The following TBC1D22A variants were observed in gnomAD, a reference collection of about 807,000 sequenced individuals.
TBC1D22A encodes the protein TBC1 domain family member 22A, also known as putative GTPase activator.
A neutral mutation model predicts 60.2 loss-of-function variants in TBC1D22A; 38 were observed. The observed-to-expected ratio is 0.63, with a 90% CI of 0.49 to 0.83. The LOEUF is 0.83. Ranked by LOEUF, TBC1D22A falls within the 40% of genes least tolerant of loss-of-function variation. The pLI, the probability that TBC1D22A is intolerant of heterozygous loss-of-function variation, is 0.00. For missense variants in TBC1D22A, 628 were observed against 701.0 expected (o/e 0.90, Z 1.18); for synonymous variants, 302 against 281.7 (o/e 1.07, Z -0.72).
At chr22:46,985,062 C>T (rs945387497) in intron 9 of TBC1D22A, among the ~76,000 whole-genome samples, 2 of 152,168 alleles carry the variant, frequency 1.3e-5, no homozygotes, top group South Asian at 2.1e-4. Context: ...GCCATGAGCT[C>T]AGGCAGCTGG....
At position 46,792,638 on chromosome 22, in the gene TBC1D22A, C is replaced by T. The variant is rs2084463866; in HGVS notation, c.119+62C>T. 2.5e-6 allele frequency: 4 copies of T among 1,613,314 alleles called. No homozygotes were observed. In the African/African-American group the frequency reaches 4.0e-5, roughly 16 times the overall value. On this transcript the variant is annotated intron_variant, in intron 2 of 12. Transcript: ENST00000337137. ...CTGATATGGGAGGGCTGTGGCAACCCCGGTCTTCCTGCTTCCTTCCTGCTC... is the reference window on the plus strand; with the variant it reads ...CTGATATGGGAGGGCTGTGGCAACCTCGGTCTTCCTGCTTCCTTCCTGCTC...
intron 9 of TBC1D22A, among the ~76,000 whole-genome samples, chr22:46,978,420 AC>A (rs1218017226): frequency 1.3e-5 from 2 of 152,256 alleles, no homozygotes; most frequent in Non-Finnish European, 2.9e-5. Flanking sequence ...ATTTTTCGAA[AC>A]AAAAATGTTT....
At chr22:46,845,059 CTT>C (rs2086930369) in intron 4 of TBC1D22A, among the ~76,000 whole-genome samples, 2 of 152,184 alleles carry the variant, frequency 1.3e-5, no homozygotes, top group African/African-American at 2.4e-5. Context: ...TGACTGTAGT[CTT>C]TGATTCCTGC....
At chr22:47,045,314 G>A (rs543728322) in intron 11 of TBC1D22A, among the ~76,000 whole-genome samples, 6 of 152,098 alleles carry the variant, frequency 3.9e-5, no homozygotes, top group Non-Finnish European at 8.8e-5. Context: ...GCGCTCCTCC[G>A]CGGTTTGGAA....
At chr22:47,164,308 C>T (rs919852896) in intron 12 of TBC1D22A, among the ~76,000 whole-genome samples, 2 of 152,244 alleles carry the variant, frequency 1.3e-5, no homozygotes, top group African/African-American at 4.8e-5. Context: ...TTTGACAAGC[C>T]CAGTGTACTC....
chr22:47,141,357 C>T lies in TBC1D22A; in HGVS notation c.1425+29754C>T, dbSNP rs191194222. Among the ~76,000 whole-genome samples the T allele has an allele frequency of 4.5e-4, 68 of 152,342 alleles. 2 individuals carry two copies. The South Asian group carries it at 0.013, about 28-fold the overall frequency. On this transcript the variant is annotated intron_variant, in intron 12 of 12. Transcript: ENST00000337137. ...TTGATCAGGTCACTCTGTCCTTCCT[C>T]GCCCAGTCCCAGAAGCAGACAGGTT...
chr22:46,987,636 A>G (rs1280438440), intron 9 of TBC1D22A, among the ~76,000 whole-genome samples: 2 of 152,218 alleles, frequency 1.3e-5, no homozygotes, highest in Admixed American at 6.5e-5. Context: ...TACATACCGG[A>G]ATTCAAAACT....
intron 10 of TBC1D22A, among the ~76,000 whole-genome samples, chr22:47,032,996 C>G (rs2062532046): frequency 6.6e-6 from 1 of 152,256 alleles, no homozygotes; most frequent in African/African-American, 2.4e-5. Flanking sequence ...CGCTGTCGTC[C>G]TGGCTGCTCT....
chr22:46,897,194 A>G (rs2068722722), intron 7 of TBC1D22A, among the ~76,000 whole-genome samples: 1 of 152,138 alleles, frequency 6.6e-6, no homozygotes, highest in African/African-American at 2.4e-5. Context: ...ATTTATTGAA[A>G]ATGAAAGCAC....
intron 12 of TBC1D22A, among the ~76,000 whole-genome samples, chr22:47,157,890 C>G (rs990953301): frequency 1.3e-5 from 2 of 152,150 alleles, no homozygotes; most frequent in African/African-American, 2.4e-5. Flanking sequence ...GCCAGTTACC[C>G]CTGCCATGCT....
At chr22:47,158,811 C>A (rs73889446) in intron 12 of TBC1D22A, among the ~76,000 whole-genome samples, 1 of 152,104 alleles carries the variant, frequency 6.6e-6, no homozygotes, top group African/African-American at 2.4e-5. Flanking sequence ...CACAGGGTCC[C>A]GCAGCCACCA....
intron 4 of TBC1D22A, among the ~76,000 whole-genome samples, chr22:46,800,113 A>G (rs551485680): frequency 6.6e-6 from 1 of 152,278 alleles, no homozygotes; most frequent in South Asian, 2.1e-4. Context: ...GTGCCCTGTA[A>G]CATGCCATCC....
At position 47,173,486 on chromosome 22, in the gene TBC1D22A, CTT is replaced by C; in HGVS notation, c.1426-10_1426-9del. The C allele has an allele frequency of 1.2e-6, 2 of 1,613,770 alleles. No individual in the cohort carries two copies. The highest frequency in any genetic ancestry group is 1.1e-5 in the South Asian group (1 of 91,074). On this transcript the variant is annotated splice_polypyrimidine_tract_variant and intron_variant, in intron 12 of 12. Transcript: ENST00000337137. ...CACCTCCTCTGACCTGGGCTTGTCT[CTT>C]TCTCCCCAGGAGCTGCTGCTCTTCC... is the stretch of plus-strand genomic sequence containing the variant.
At chr22:46,915,843 G>A (rs1016977445) in intron 8 of TBC1D22A, 1 of 455,262 alleles carries the variant, frequency 2.2e-6, no homozygotes, top group Non-Finnish European at 4.4e-6. Context: ...TGTGGCATTG[G>A]TCCTGAGTAG....
chr22:47,033,784 A>G (rs1219287653), intron 10 of TBC1D22A, among the ~76,000 whole-genome samples: 1 of 152,178 alleles, frequency 6.6e-6, no homozygotes, highest in Non-Finnish European at 1.5e-5. Flanking sequence ...GCGTGGTAGC[A>G]TGGGTGTTGT....
intron 9 of TBC1D22A, among the ~76,000 whole-genome samples, chr22:46,975,110 G>A (rs927042867): frequency 6.6e-6 from 1 of 152,218 alleles, no homozygotes; most frequent in Non-Finnish European, 1.5e-5. Context: ...GAACAGCTGA[G>A]GGGGATGGAT....
chr22:46,889,761 C>T (rs2068301197), intron 5 of TBC1D22A, among the ~76,000 whole-genome samples: 2 of 152,104 alleles, frequency 1.3e-5, no homozygotes, highest in Admixed American at 6.6e-5. Context: ...CTGAGTGACT[C>T]CATTTCTGGG....
intron 4 of TBC1D22A, among the ~76,000 whole-genome samples, chr22:46,854,541 C>G (rs914295353): frequency 6.6e-6 from 1 of 152,174 alleles, no homozygotes; most frequent in African/African-American, 2.4e-5. Flanking sequence ...AGCCCACCCC[C>G]ACCTGTTCTT....
At position 47,024,681 on chromosome 22, in the gene TBC1D22A, C is replaced by G. The variant is rs555288483; in HGVS notation, c.1202-12390C>G. Among the ~76,000 whole-genome samples, 36 of 152,132 alleles carry G rather than the reference C, an allele frequency of 2.4e-4. No homozygotes were observed. The South Asian group carries it at 4.4e-3, about 18-fold the overall frequency. On this transcript the variant is annotated intron_variant, in intron 10 of 12. Coordinates refer to ENST00000337137, the MANE Select transcript of TBC1D22A (RefSeq NM_014346.5). ...CCAGCCTGGGCAACATGGTGAGACC[C>G]CGTCTCTTAAAAAAAAATTAGCTGG...
Sources: gnomAD v4.1 joint callset for allele counts (sites outside exome capture counted in the v4.1 genomes callset) on GRCh38, gnomAD v4.1.1 for gene constraint, MANE v1.5 for transcripts, NCBI Gene and HGNC (gene_info 2026-07-23, HGNC 2026-07-21) for gene names.